SLC16A7: variants seen among roughly 807,000 people sequenced by gnomAD.
SLC16A7 encodes the protein solute carrier family 16 member 7, also known as monocarboxylate transporter 2.
A neutral mutation model predicts 34.9 loss-of-function variants in SLC16A7; 33 were observed. That is an observed-to-expected ratio of 0.94 (90% CI 0.72 to 1.26). SLC16A7 has a LOEUF of 1.26. SLC16A7 is among the 50% of genes most tolerant of loss of function. The pLI is 0.00. For missense variants in SLC16A7, 573 were observed against 578.1 expected, an observed-to-expected ratio of 0.99 and a Z score of 0.09; for synonymous variants, 201 against 206.6, an observed-to-expected ratio of 0.97 and a Z score of 0.23.
intron 4 of SLC16A7, among the ~76,000 whole-genome samples, chr12:59,773,376 T>C (rs370031025): frequency 1.3e-5 from 2 of 152,150 alleles, no homozygotes; most frequent in East Asian, 3.9e-4. Context: ...AGGGTTGGAG[T>C]ATTTGTACAC....
intron 2 of SLC16A7, among the ~76,000 whole-genome samples, chr12:59,680,412 G>C (rs781458328): frequency 6.6e-6 from 1 of 152,194 alleles, no homozygotes; most frequent in Non-Finnish European, 1.5e-5. Flanking sequence ...CTGAAAATGT[G>C]TTATCTTGAT....
At chr12:59,652,525 TC>T (rs1202896212) in intron 1 of SLC16A7, among the ~76,000 whole-genome samples, 1 of 151,882 alleles carries the variant, frequency 6.6e-6, no homozygotes, top group Non-Finnish European at 1.5e-5. Flanking sequence ...GCTGGCCCTT[TC>T]TAAAAAGTAT....
intron 5 of SLC16A7, among the ~76,000 whole-genome samples, chr12:59,777,396 T>C (rs991107215): frequency 2.0e-5 from 3 of 152,240 alleles, no homozygotes; most frequent in Admixed American, 1.3e-4. Flanking sequence ...GTTAATATTT[T>C]TGAATGATTG....
chr12:59,640,771 T>C (rs1880648451), intron 1 of SLC16A7, among the ~76,000 whole-genome samples: 1 of 152,110 alleles, frequency 6.6e-6, no homozygotes, highest in African/African-American at 2.4e-5. Context: ...TCCTTCATCT[T>C]GGAAGCCTCA....
chr12:59,703,374 C>T (rs905830173), intron 2 of SLC16A7, among the ~76,000 whole-genome samples: 3 of 151,932 alleles, frequency 2.0e-5, no homozygotes, highest in South Asian at 2.1e-4. Flanking sequence ...ATCATTTATA[C>T]CTCTACTTCC....
At chr12:59,735,158 G>A (rs1055301493) in intron 3 of SLC16A7, among the ~76,000 whole-genome samples, 5 of 152,152 alleles carry the variant, frequency 3.3e-5, no homozygotes, top group South Asian at 2.1e-4. Flanking sequence ...CTAAAAAGCC[G>A]CTTTGATTTG....
At chr12:59,615,716 A>G (rs1479872617) in intron 1 of SLC16A7, among the ~76,000 whole-genome samples, 1 of 152,180 alleles carries the variant, frequency 6.6e-6, no homozygotes, top group East Asian at 1.9e-4. Flanking sequence ...TGCCTCAGAA[A>G]TCTGTTATTG....
chr12:59,696,805 C>G (rs1203929447), intron 2 of SLC16A7, among the ~76,000 whole-genome samples: 1 of 151,764 alleles, frequency 6.6e-6, no homozygotes, highest in Non-Finnish European at 1.5e-5. Context: ...CATAAGATGT[C>G]ATTTTATATG....
chr12:59,703,814 G>T (rs1432141518), intron 2 of SLC16A7, among the ~76,000 whole-genome samples: 1 of 152,042 alleles, frequency 6.6e-6, no homozygotes, highest in Non-Finnish European at 1.5e-5. Flanking sequence ...TGAGGCAAGG[G>T]TTATGTTAAT....
intron 3 of SLC16A7, among the ~76,000 whole-genome samples, chr12:59,727,265 C>A (rs903030797): frequency 6.6e-6 from 1 of 151,490 alleles, no homozygotes; most frequent in Non-Finnish European, 1.5e-5. Context: ...CTGGTGATGA[C>A]GTTAACAGTT....
chr12:59,637,673 C>T (rs1054302410), intron 1 of SLC16A7, among the ~76,000 whole-genome samples: 5 of 151,966 alleles, frequency 3.3e-5, no homozygotes, highest in African/African-American at 1.2e-4. Context: ...CAGGGAAAAC[C>T]GTCTGTTTTA....
At chr12:59,642,756 A>G (rs1880740275) in intron 1 of SLC16A7, among the ~76,000 whole-genome samples, 1 of 152,136 alleles carries the variant, frequency 6.6e-6, no homozygotes, top group Non-Finnish European at 1.5e-5. Context: ...AATCTAGACT[A>G]GAGAATTGAC....
At chr12:59,605,590 C>G (rs1471093659) in intron 1 of SLC16A7, among the ~76,000 whole-genome samples, 1 of 152,192 alleles carries the variant, frequency 6.6e-6, no homozygotes. Context: ...TGCTGTGTTC[C>G]AGACACTGTT....
chr12:59,715,589 C>T (rs1411016984), intron 3 of SLC16A7, among the ~76,000 whole-genome samples: 1 of 152,148 alleles, frequency 6.6e-6, no homozygotes, highest in East Asian at 1.9e-4. Flanking sequence ...GAAAGCAGTT[C>T]ATCATCTTGT....
rs149401892 is a variant in SLC16A7 at position 59,693,966 on chromosome 12, G to A, written c.-30-10806G>A. 1.9e-3 allele frequency among the ~76,000 whole-genome samples: 295 copies of A among 151,928 alleles called. 1 individual carries two copies. Among genetic ancestry groups the A allele is most frequent in the African/African-American group, 6.7e-3 (279 of 41,502 alleles). ...TCCTTTATGCCCTCATCTATGAAAC[G>A]TGATTCAAAATACCAGTTCCTTGGA... On this transcript the variant is annotated intron_variant, in intron 2 of 5. Coordinates refer to ENST00000547379, the MANE Select transcript of SLC16A7 (RefSeq NM_001270623.2).
intron 2 of SLC16A7, among the ~76,000 whole-genome samples, chr12:59,664,034 G>A (rs1674827591): frequency 1.3e-5 from 2 of 152,002 alleles, no homozygotes; most frequent in Non-Finnish European, 2.9e-5. Flanking sequence ...GTTTGATAGA[G>A]AGGAACATGA....
chr12:59,712,686 C>G (rs1443362906), intron 3 of SLC16A7, among the ~76,000 whole-genome samples: 2 of 152,126 alleles, frequency 1.3e-5, no homozygotes, highest in Non-Finnish European at 2.9e-5. Flanking sequence ...TCCATTCACG[C>G]AAAACTAGTG....
intron 2 of SLC16A7, among the ~76,000 whole-genome samples, chr12:59,701,592 G>A (rs909213467): frequency 2.0e-5 from 3 of 151,286 alleles, no homozygotes; most frequent in Admixed American, 6.6e-5. Context: ...TCTTAAGGGG[G>A]GCATATTTAA....
chr12:59,645,070 T>C (rs939720124), intron 1 of SLC16A7, among the ~76,000 whole-genome samples: 6 of 152,214 alleles, frequency 3.9e-5, no homozygotes, highest in African/African-American at 1.2e-4. Context: ...TTATCTCTTA[T>C]GTCTTTCTTG....
Sources: gnomAD v4.1 joint callset for allele counts (sites outside exome capture counted in the v4.1 genomes callset) on GRCh38, gnomAD v4.1.1 for gene constraint, MANE v1.5 for transcripts, NCBI Gene and HGNC (gene_info 2026-07-23, HGNC 2026-07-21) for gene names.